The following SLC28A3 variants were observed in gnomAD, a reference collection of about 807,000 sequenced individuals.
SLC28A3 encodes the protein solute carrier family 28 member 3.
In SLC28A3, 68 loss-of-function variants were observed where a neutral mutation model predicts 84.2. That is an observed-to-expected ratio of 0.81 (90% CI 0.66 to 0.99). The LOEUF (loss-of-function observed/expected upper bound fraction) is 0.99. Among genes scored for constraint, SLC28A3 ranks in the 50% least tolerant of loss-of-function variants. The pLI is 0.00. For synonymous variants in SLC28A3, 267 were observed against 303.6 expected (o/e 0.88, Z 1.25); for missense variants, 712 against 841.5 (o/e 0.85, Z 1.90).
At chr9:84,353,151 A>C in the SLC28A3 span, among the ~76,000 whole-genome samples, 1 of 152,202 alleles carries the variant, frequency 6.6e-6, no homozygotes, top group Non-Finnish European at 1.5e-5. Flanking sequence ...TTATAAAAAA[A>C]AGAATTTAGG....
At chr9:84,366,135 A>G in the SLC28A3 span, among the ~76,000 whole-genome samples, 1 of 152,088 alleles carries the variant, frequency 6.6e-6, no homozygotes, top group Non-Finnish European at 1.5e-5. Context: ...CCTGGCTTCA[A>G]GCTCACTAAT....
At position 84,277,941 on chromosome 9, in the gene SLC28A3, A is replaced by T. The variant is rs1331012197; in HGVS notation, c.*277T>A. The T allele has an allele frequency of 2.5e-6, 1 of 401,328 alleles. No homozygotes were observed. Among genetic ancestry groups the T allele is most frequent in the Non-Finnish European group, 4.5e-6 (1 of 221,554 alleles). The allele number at this position is 401,328 out of a possible 1,614,324, so 24.9% of individuals were successfully genotyped here. A position where few individuals can be genotyped will look rare whatever the true frequency, so the allele number is the denominator to read the frequency against. On this transcript the variant is annotated 3_prime_UTR_variant, in exon 18 of 18. Transcript: ENST00000376238. ...TATTCTGGTGAAATGCCTTGCAAACATTAAAGTCAGAAAATCCCATTGAGA... is the reference window on the plus strand; with the variant it reads ...TATTCTGGTGAAATGCCTTGCAAACTTTAAAGTCAGAAAATCCCATTGAGA...
intron 1 of SLC28A3, among the ~76,000 whole-genome samples, chr9:84,334,131 C>G (rs1718311262): frequency 6.6e-6 from 1 of 152,072 alleles, no homozygotes; most frequent in Non-Finnish European, 1.5e-5. Context: ...AGGGTGAAAC[C>G]CCGTCTCTAC....
chr9:84,321,207 T>C (rs1245680307), intron 1 of SLC28A3, among the ~76,000 whole-genome samples: 2 of 152,116 alleles, frequency 1.3e-5, no homozygotes, highest in Non-Finnish European at 2.9e-5. Context: ...AACAAGGATA[T>C]AATCTCATTG....
At chr9:84,336,276 C>T (rs951346150) in intron 1 of SLC28A3, among the ~76,000 whole-genome samples, 2 of 151,958 alleles carry the variant, frequency 1.3e-5, no homozygotes, top group African/African-American at 2.4e-5. Flanking sequence ...CTGAGGCAGG[C>T]GGATCATTTG....
intron 16 of SLC28A3, among the ~76,000 whole-genome samples, 157 bp from the exon 17 acceptor site, chr9:84,279,542 A>G (rs536420151): frequency 6.6e-6 from 1 of 152,328 alleles, no homozygotes; most frequent in Admixed American, 6.5e-5. Flanking sequence ...CCCGGGTTCA[A>G]GCGATTCAAG....
At chr9:84,300,306 G>A (rs927814834) in intron 5 of SLC28A3, among the ~76,000 whole-genome samples, 1 of 152,214 alleles carries the variant, frequency 6.6e-6, no homozygotes, top group African/African-American at 2.4e-5. Context: ...TAGCATGTTT[G>A]GAGAGGAATG....
chr9:84,314,179 C>G (rs1425223163), intron 1 of SLC28A3, among the ~76,000 whole-genome samples: 1 of 152,068 alleles, frequency 6.6e-6, no homozygotes, highest in Non-Finnish European at 1.5e-5. Context: ...TTAAAGCAAT[C>G]TCTGGCAGTA....
At chr9:84,311,139 A>G (rs774243587) in intron 2 of SLC28A3, among the ~76,000 whole-genome samples, 3 of 152,108 alleles carry the variant, frequency 2.0e-5, no homozygotes, top group Non-Finnish European at 4.4e-5. Context: ...ACCCACTGTG[A>G]TTGTGCTTCT....
intron 5 of SLC28A3, 134 bp downstream of exon 5, chr9:84,302,066 C>T (rs539399262): frequency 2.6e-6 from 2 of 757,058 alleles, no homozygotes; most frequent in Admixed American, 5.7e-5. Context: ...GACATTGTAA[C>T]AGATTACTTC....
rs1181489223 is a variant in SLC28A3 at position 84,279,370 on chromosome 9, G to A, written c.1844C>T (p.Thr615Ile). The A allele has an allele frequency of 1.3e-6, 2 of 1,591,356 alleles. No individual in the cohort carries two copies. The highest frequency in any genetic ancestry group is 1.7e-6 in the Non-Finnish European group (2 of 1,168,822). The change falls in exon 17 of 18, where the codon ACT becomes ATT. Residue 615 changes from threonine (T) to isoleucine (I), a missense_variant. Thr to Ile is a moderately conservative substitution (Grantham distance 89). Transcript: ENST00000376238. ...TACIAGILSS[T>I]PVDINCHHVL... is the part of the protein sequence containing the mutation. ...GTGATGGCAGTTGATGTCCACAGGA[G>A]TGCTGGAGAGTATGCCTAGAAGTGG... is the stretch of plus-strand genomic sequence containing the variant.
chr9:84,351,592 C>T, the SLC28A3 span, among the ~76,000 whole-genome samples: 2 of 151,160 alleles, frequency 1.3e-5, no homozygotes, highest in Admixed American at 6.6e-5. Context: ...CCCAGGAGGT[C>T]AAGGCTGCAG....
At chr9:84,354,091 T>C in the SLC28A3 span, among the ~76,000 whole-genome samples, 2 of 152,234 alleles carry the variant, frequency 1.3e-5, no homozygotes, top group South Asian at 4.1e-4. Context: ...TCTTTCTTCT[T>C]TGCTCACAAA....
In SLC28A3 at chr9:84,275,461, G is replaced by C. The variant is rs189014776; in HGVS notation, c.*2757C>G. 11 of 152,430 alleles carry C rather than the reference G, an allele frequency of 7.2e-5. No homozygotes were observed. The highest frequency in any genetic ancestry group is 5.9e-4 in the Admixed American group (9 of 15,292). 9.4% of individuals were successfully genotyped at this position (152,430 alleles called of 1,614,324 possible). ...GCAGCCCTGGCTTGAGGCAAGGTTG[G>C]GGAGCACAGACCAACAGCAACAATC... is the stretch of plus-strand genomic sequence containing the variant. On this transcript the variant is annotated 3_prime_UTR_variant, in exon 18 of 18. Transcript: ENST00000376238.
intron 1 of SLC28A3, among the ~76,000 whole-genome samples, chr9:84,317,390 A>G (rs998581037): frequency 1.3e-5 from 2 of 152,214 alleles, no homozygotes; most frequent in Non-Finnish European, 2.9e-5. Flanking sequence ...CTCTGTGGTC[A>G]TTTCTCAAGC....
intron 1 of SLC28A3, 107 bp from the exon 2 acceptor site, chr9:84,313,561 T>C: frequency 1.2e-6 from 1 of 841,946 alleles, no homozygotes; most frequent in Non-Finnish European, 1.9e-6. Context: ...AAACAAAGAT[T>C]AGGTGTTCAG....
chr9:84,280,180 T>C, intron 15 of SLC28A3, 107 bp from the exon 16 acceptor site: 1 of 914,260 alleles, frequency 1.1e-6, no homozygotes. Context: ...CTGACTTTTT[T>C]TTTTTTTTCT....
chr9:84,319,068 T>C (rs1051842387), intron 1 of SLC28A3, among the ~76,000 whole-genome samples: 4 of 152,108 alleles, frequency 2.6e-5, no homozygotes, highest in Admixed American at 6.5e-5. Context: ...TTATGTCCTC[T>C]GCCAAAGTAG....
rs1352381892 is a variant in SLC28A3 at position 84,324,408 on chromosome 9, C to A, written c.61-10954G>T. Among the ~76,000 whole-genome samples, 6 of 152,074 alleles carry A rather than the reference C, an allele frequency of 3.9e-5. No individual in the cohort carries two copies. In the East Asian group the frequency reaches 1.2e-3, roughly 29 times the overall value. ...ACCTGTAATCCCAGCACTTTGGGGG[C>A]TAAGGTAGGTGGATTGCTCGAGCTT... is the stretch of plus-strand genomic sequence containing the variant. On this transcript the variant is annotated intron_variant, in intron 1 of 17. Transcript: ENST00000376238.
Sources: allele counts gnomAD v4.1 joint callset (sites outside exome capture counted in the v4.1 genomes callset), GRCh38; gene constraint gnomAD v4.1.1; transcripts MANE v1.5; gene names NCBI Gene and HGNC (gene_info 2026-07-23, HGNC 2026-07-21).